The following KCNH5 variants were observed in gnomAD, a reference collection of about 807,000 sequenced individuals.
KCNH5 encodes potassium voltage-gated channel subfamily H member 5.
KCNH5 carries 46 observed loss-of-function variants against 96.1 expected under a neutral mutation model. The observed-to-expected ratio is 0.48, with a 90% confidence interval of 0.38 to 0.61. The LOEUF is 0.61. KCNH5 is among the 20% of genes least tolerant of loss of function. KCNH5 has a pLI of 0.00. For missense variants in KCNH5, 907 were observed against 1,225.8 expected (o/e 0.74, Z 3.88); for synonymous variants, 439 against 449.8 (o/e 0.98, Z 0.30).
chr14:62,844,809 T>G (rs1950568), intron 8 of KCNH5, among the ~76,000 whole-genome samples: 15,327 of 152,232 alleles, frequency 0.1, 1,068 homozygotes, highest in East Asian at 0.3. Context: ...TTCACATAAG[T>G]CACATTAAGA....
chr14:62,791,004 C>T (rs931497204), intron 9 of KCNH5, among the ~76,000 whole-genome samples: 6 of 151,642 alleles, frequency 4.0e-5, no homozygotes, highest in South Asian at 2.1e-4. Flanking sequence ...GTAATTCCAG[C>T]GCTATATTGA....
At chr14:62,787,265 T>C (rs1442267292) in intron 9 of KCNH5, among the ~76,000 whole-genome samples, 1 of 152,198 alleles carries the variant, frequency 6.6e-6, no homozygotes, top group Non-Finnish European at 1.5e-5. Flanking sequence ...TTTAGTGGCC[T>C]GGATAGAAGA....
chr14:62,894,429 T>C (rs1189878174), intron 7 of KCNH5, among the ~76,000 whole-genome samples: 1 of 152,202 alleles, frequency 6.6e-6, no homozygotes, highest in Non-Finnish European at 1.5e-5. Context: ...TTTAAGTGTT[T>C]TCTTTTATTT....
intron 10 of KCNH5, among the ~76,000 whole-genome samples, chr14:62,762,698 C>A (rs1206450700): frequency 6.6e-6 from 1 of 150,448 alleles, no homozygotes; most frequent in Non-Finnish European, 1.5e-5. Flanking sequence ...ATCTAACAAG[C>A]AAATGGAAAA....
At chr14:62,906,513 G>A (rs1889031192) in intron 7 of KCNH5, among the ~76,000 whole-genome samples, 1 of 151,948 alleles carries the variant, frequency 6.6e-6, no homozygotes, top group African/African-American at 2.4e-5. Flanking sequence ...TTTCCATTAA[G>A]AATGAGAATA....
chr14:62,770,324 G>T (rs1885959318), intron 10 of KCNH5, among the ~76,000 whole-genome samples: 1 of 152,292 alleles, frequency 6.6e-6, no homozygotes, highest in Admixed American at 6.5e-5. Context: ...ATGACATTTT[G>T]TGCTGCTGGA....
At chr14:62,797,003 T>C (rs1886555214) in intron 9 of KCNH5, among the ~76,000 whole-genome samples, 2 of 152,134 alleles carry the variant, frequency 1.3e-5, no homozygotes, top group Admixed American at 1.3e-4. Flanking sequence ...GGGAGGCAGA[T>C]TTGCCCTAAG....
intron 5 of KCNH5, among the ~76,000 whole-genome samples, chr14:62,985,021 T>C (rs915277381): frequency 2.0e-5 from 3 of 152,032 alleles, no homozygotes; most frequent in Non-Finnish European, 4.4e-5. Context: ...AAATTCACAA[T>C]CACAGAAACA....
In KCNH5 at chr14:62,843,410, C is replaced by CTT. The variant is rs570775868; in HGVS notation, c.1569+6241_1569+6242dup. On this transcript the variant is annotated intron_variant, in intron 8 of 10. Transcript: ENST00000322893. ...TATTCACATGGATATATTTACATGG[C>CTT]TTTTTTTTTTTTTTTTTTTTTGACA... 4.3e-3 allele frequency among the ~76,000 whole-genome samples: 484 copies of CTT among 111,954 alleles called. 6 individuals are homozygous for CTT. Among genetic ancestry groups the CTT allele is most frequent in the Non-Finnish European group, 6.4e-3 (367 of 57,084 alleles). 73.4% of individuals were successfully genotyped at this position (111,954 alleles called of 152,430 possible).
At chr14:62,838,168 A>C (rs934986561) in intron 8 of KCNH5, among the ~76,000 whole-genome samples, 1 of 152,188 alleles carries the variant, frequency 6.6e-6, no homozygotes, top group Non-Finnish European at 1.5e-5. Flanking sequence ...CTTGGAAAAG[A>C]TCATCAAGCA....
intron 7 of KCNH5, among the ~76,000 whole-genome samples, chr14:62,853,462 T>TATATATATATATATATATATATATATC (rs1325630757): frequency 5.0e-5 from 6 of 121,142 alleles, no homozygotes; most frequent in African/African-American, 9.5e-5. Flanking sequence ...TAATCATATA[T>TATATATATATATATATATATATATATC]ATATATATAT....
intron 6 of KCNH5, 31 bp from the exon 7 acceptor site, chr14:62,950,590 C>T (rs1202508296): frequency 6.9e-7 from 1 of 1,440,770 alleles, no homozygotes; most frequent in Non-Finnish European, 9.3e-7. Context: ...AAAATTACAC[C>T]ACATTTTCAG....
intron 1 of KCNH5, among the ~76,000 whole-genome samples, chr14:63,025,649 T>C (rs1891510802): frequency 6.8e-6 from 1 of 146,988 alleles, no homozygotes; most frequent in Non-Finnish European, 1.5e-5. Context: ...TAGGAATAAA[T>C]TTAACCAAGA....
chr14:62,962,514 C>T (rs557654386), intron 6 of KCNH5, among the ~76,000 whole-genome samples: 1 of 152,082 alleles, frequency 6.6e-6, no homozygotes, highest in Non-Finnish European at 1.5e-5. Flanking sequence ...ATAATTCACA[C>T]AGCAAGACAA....
chr14:62,780,194 T>A (rs1595618934), intron 9 of KCNH5, among the ~76,000 whole-genome samples: 1 of 152,204 alleles, frequency 6.6e-6, no homozygotes, highest in East Asian at 1.9e-4. Context: ...ACAAATAATT[T>A]CATTATCTTC....
chr14:62,810,268 T>G (rs1008967670), intron 8 of KCNH5, among the ~76,000 whole-genome samples: 1 of 152,038 alleles, frequency 6.6e-6, no homozygotes, highest in African/African-American at 2.4e-5. Context: ...CCCTAATAGT[T>G]AGGCAGGAAT....
chr14:62,961,281 G>A (rs1890200387), intron 6 of KCNH5, among the ~76,000 whole-genome samples: 1 of 152,002 alleles, frequency 6.6e-6, no homozygotes, highest in African/African-American at 2.4e-5. Context: ...TGTCATATAG[G>A]ACTTCTTTCC....
intron 7 of KCNH5, among the ~76,000 whole-genome samples, chr14:62,880,910 C>G (rs1888478661): frequency 6.6e-6 from 1 of 152,094 alleles, no homozygotes; most frequent in Non-Finnish European, 1.5e-5. Flanking sequence ...TTGGAACTAA[C>G]AAAGGTCCCG....
At chr14:62,968,796 G>A (rs1360470856) in intron 6 of KCNH5, among the ~76,000 whole-genome samples, 3 of 152,300 alleles carry the variant, frequency 2.0e-5, no homozygotes, top group Middle Eastern at 3.4e-3. Context: ...GAGAGACAGA[G>A]TGTCTGCTTT....
Sources: gnomAD v4.1 joint callset for allele counts (sites outside exome capture counted in the v4.1 genomes callset) on GRCh38, gnomAD v4.1.1 for gene constraint, MANE v1.5 for transcripts, NCBI Gene and HGNC (gene_info 2026-07-23, HGNC 2026-07-21) for gene names.